Variants in MPPED1 observed in about 807,000 individuals in gnomAD.
MPPED1 encodes the protein metallophosphoesterase domain containing 1, also known as metallophosphoesterase domain-containing protein 1.
Under a neutral mutation model 36.2 loss-of-function variants are expected in MPPED1, and 16 were observed. That is an observed-to-expected ratio of 0.44 (90% CI 0.30 to 0.67). The LOEUF is 0.67. MPPED1 is among the 30% of genes least tolerant of loss of function. The pLI, the probability that MPPED1 is intolerant of heterozygous loss-of-function variation, is 0.10. For synonymous variants in MPPED1, 199 were observed against 191.3 expected (o/e 1.04, Z -0.33); for missense variants, 307 against 453.4 (o/e 0.68, Z 2.93).
At chr22:43,476,719 C>T (rs561875898) in intron 4 of MPPED1, among the ~76,000 whole-genome samples, 12 of 152,210 alleles carry the variant, frequency 7.9e-5, no homozygotes, top group South Asian at 2.1e-4. Context: ...CTGGACTTCA[C>T]GATGTACAGG....
intron 1 of MPPED1, among the ~76,000 whole-genome samples, chr22:43,415,391 A>C (rs547368290): frequency 1.3e-5 from 2 of 152,190 alleles, no homozygotes; most frequent in South Asian, 4.2e-4. Flanking sequence ...TGCCAACACA[A>C]ATGTTTTACT....
At chr22:43,432,157 ACTTAGT>A (rs1202794416) in intron 2 of MPPED1, among the ~76,000 whole-genome samples, 2 of 151,864 alleles carry the variant, frequency 1.3e-5, no homozygotes, top group African/African-American at 4.8e-5. Flanking sequence ...TGTCTCTTTG[ACTTAGT>A]CTTTGTCACC....
At chr22:43,414,299 G>A (rs948313531) in intron 1 of MPPED1, among the ~76,000 whole-genome samples, 4 of 152,014 alleles carry the variant, frequency 2.6e-5, no homozygotes, top group Non-Finnish European at 4.4e-5. Flanking sequence ...TAGGCAGTAC[G>A]GGCCTTGGTA....
chr22:43,505,368 C>T lies in MPPED1; in HGVS notation c.863-130C>T, dbSNP rs905897406. 1.0e-5 allele frequency: 7 copies of T among 690,852 alleles called. No homozygotes were observed. In the African/African-American group the frequency reaches 1.2e-4, roughly 12 times the overall value. 42.8% of individuals were successfully genotyped at this position (690,852 alleles called of 1,614,324 possible). A position where few individuals can be genotyped will look rare whatever the true frequency, so the allele number is the denominator to read the frequency against. On this transcript the variant is annotated intron_variant, in intron 6 of 6. Coordinates refer to ENST00000443721, the MANE Select transcript of MPPED1 (RefSeq NM_001044370.2). ...CCATTTTACAGATGAAGGGACTGACCTCGAGAGTTTACCAGCTTGCCCCAA... is the reference window on the plus strand; with the variant it reads ...CCATTTTACAGATGAAGGGACTGACTTCGAGAGTTTACCAGCTTGCCCCAA...
chr22:43,494,443 T>C (rs145285068), intron 4 of MPPED1, among the ~76,000 whole-genome samples: 1 of 152,282 alleles, frequency 6.6e-6, no homozygotes, highest in Non-Finnish European at 1.5e-5. Context: ...GGTTGTTCTT[T>C]AGCTTGTGGA....
chr22:43,503,391 C>A (rs1447865037), intron 6 of MPPED1, among the ~76,000 whole-genome samples: 3 of 152,198 alleles, frequency 2.0e-5, no homozygotes, highest in Admixed American at 6.5e-5. Context: ...TGCCCAAGGC[C>A]TCTCTGTCAC....
chr22:43,498,128 A>G, intron 4 of MPPED1, 107 bp from the exon 5 acceptor site: 1 of 763,350 alleles, frequency 1.3e-6, no homozygotes, highest in Middle Eastern at 2.4e-4. Context: ...GTCTCCAGGT[A>G]GCGAGCTGGT....
chr22:43,500,961 G>T (rs1047389177), intron 5 of MPPED1, among the ~76,000 whole-genome samples: 3 of 152,050 alleles, frequency 2.0e-5, no homozygotes, highest in Non-Finnish European at 4.4e-5. Context: ...GAGGGTGTGG[G>T]GTGAGGCGCA....
chr22:43,422,006 C>A (rs1929289530), intron 1 of MPPED1, among the ~76,000 whole-genome samples: 1 of 152,206 alleles, frequency 6.6e-6, no homozygotes, highest in South Asian at 2.1e-4. Context: ...CTGCTGGGGG[C>A]CGGAGCTGAC....
At chr22:43,505,439 C>A in intron 6 of MPPED1, 59 bp from the exon 7 acceptor site, 1 of 1,490,446 alleles carries the variant, frequency 6.7e-7, no homozygotes, top group Non-Finnish European at 9.1e-7. Flanking sequence ...CTGCCACACC[C>A]CCCTGGCCAC....
intron 5 of MPPED1, among the ~76,000 whole-genome samples, chr22:43,501,469 G>A (rs553218156): frequency 6.7e-4 from 102 of 151,918 alleles, no homozygotes; most frequent in Middle Eastern, 3.4e-3. Flanking sequence ...GCCCCGCCCG[G>A]GCCCCTTCAC....
chr22:43,485,781 G>C (rs1457199368), intron 4 of MPPED1, among the ~76,000 whole-genome samples: 2 of 152,248 alleles, frequency 1.3e-5, no homozygotes, highest in African/African-American at 4.8e-5. Flanking sequence ...CATGGGAAGG[G>C]TGGGAAAATT....
intron 4 of MPPED1, among the ~76,000 whole-genome samples, chr22:43,478,927 G>C (rs1931660311): frequency 6.6e-6 from 1 of 152,264 alleles, no homozygotes. Flanking sequence ...TGGTAGAGAG[G>C]GACCCTCAGC....
chr22:43,505,052 A>AT (rs1416205435), intron 6 of MPPED1, among the ~76,000 whole-genome samples: 2 of 151,518 alleles, frequency 1.3e-5, no homozygotes, highest in African/African-American at 2.4e-5. Flanking sequence ...GTTGGTGATG[A>AT]TGTTGATCAT....
chr22:43,500,278 C>CGGTGGTGATGGTGATGGA (rs773765868), intron 5 of MPPED1, among the ~76,000 whole-genome samples: 1 of 19,866 alleles, frequency 5.0e-5, no homozygotes, highest in Non-Finnish European at 7.6e-5. Flanking sequence ...ATGGAGGTGG[C>CGGTGGTGATGGTGATGGA]GGTGGTGATG....
intron 2 of MPPED1, among the ~76,000 whole-genome samples, chr22:43,434,507 T>G (rs1929882713): frequency 6.6e-6 from 1 of 152,142 alleles, no homozygotes; most frequent in Non-Finnish European, 1.5e-5. Context: ...AAGGGTAAAA[T>G]CTGGTGCTTG....
intron 3 of MPPED1, 71 bp downstream of exon 3, chr22:43,435,286 G>C: frequency 4.7e-6 from 7 of 1,492,684 alleles, no homozygotes; most frequent in Non-Finnish European, 6.3e-6. Flanking sequence ...TCCCGAGGCT[G>C]CCTGCCTGCC....
In MPPED1 at chr22:43,500,289, G is replaced by GT. The variant is rs1483744031; in HGVS notation, c.748+1939_748+1940insT. 6.8e-4 allele frequency among the ~76,000 whole-genome samples: 25 copies of GT among 36,900 alleles called. 1 individual carries two copies. The South Asian group carries it at 7.3e-3, about 11-fold the overall frequency. 24.2% of individuals were successfully genotyped at this position (36,900 alleles called of 152,430 possible). A position where few individuals can be genotyped will look rare whatever the true frequency, so the allele number is the denominator to read the frequency against. ...GGTGATGGAGGTGGCGGTGGTGATG[G>GT]GGGTGGTGGTGGTGATGGTGATGGA... On this transcript the variant is annotated intron_variant, in intron 5 of 6. Coordinates refer to ENST00000443721, the MANE Select transcript of MPPED1 (RefSeq NM_001044370.2).
At chr22:43,453,385 C>T (rs930942527) in intron 3 of MPPED1, among the ~76,000 whole-genome samples, 1 of 151,686 alleles carries the variant, frequency 6.6e-6, no homozygotes, top group Non-Finnish European at 1.5e-5. Context: ...CTCAGTGACA[C>T]AAGGGCCAGA....
Sources: gnomAD v4.1 joint callset for allele counts (sites outside exome capture counted in the v4.1 genomes callset) on GRCh38, gnomAD v4.1.1 for gene constraint, MANE v1.5 for transcripts, NCBI Gene and HGNC (gene_info 2026-07-23, HGNC 2026-07-21) for gene names.